The following PLXNC1 variants were observed in gnomAD, a reference collection of about 807,000 sequenced individuals.
The protein encoded by PLXNC1 is plexin-C1.
A neutral mutation model predicts 178.2 loss-of-function variants in PLXNC1; 75 were observed. The observed-to-expected ratio is 0.42, with a 90% confidence interval of 0.35 to 0.51. The LOEUF (loss-of-function observed/expected upper bound fraction) is 0.51. Among genes scored for constraint, PLXNC1 ranks in the 20% least tolerant of loss-of-function variants. The probability of loss-of-function intolerance (pLI) is 0.02; values close to 1 mark genes in which losing one functional copy is unlikely to be tolerated. For synonymous variants in PLXNC1, 790 were observed against 779.9 expected, an observed-to-expected ratio of 1.01 and a Z score of -0.22; for missense variants, 1,503 against 1,984.4, an observed-to-expected ratio of 0.76 and a Z score of 4.61.
chr12:94,225,539 A>G (rs1023484769), intron 7 of PLXNC1, among the ~76,000 whole-genome samples: 1 of 152,138 alleles, frequency 6.6e-6, no homozygotes, highest in African/African-American at 2.4e-5. Context: ...TGAAAATAGG[A>G]AAAAAGGGTG....
intron 4 of PLXNC1, among the ~76,000 whole-genome samples, chr12:94,197,436 T>TC (rs56952953): frequency 0.72 from 107,310 of 149,032 alleles, 38,677 homozygotes; most frequent in East Asian, 0.91. Flanking sequence ...ATTAGGCCCC[T>TC]TTCTCTCTCT....
intron 23 of PLXNC1, among the ~76,000 whole-genome samples, chr12:94,292,097 T>C (rs1202831877): frequency 6.6e-6 from 1 of 152,230 alleles, no homozygotes; most frequent in Non-Finnish European, 1.5e-5. Context: ...AGTATATTCA[T>C]ACTACATGAA....
intron 21 of PLXNC1, chr12:94,272,448 T>C (rs959630760): frequency 6.6e-6 from 1 of 152,240 alleles, no homozygotes; most frequent in Non-Finnish European, 1.5e-5. Flanking sequence ...ATCCACTTAA[T>C]GTCATCGGCC....
In PLXNC1 at chr12:94,250,910, T is replaced by C. The variant is rs529598971; in HGVS notation, c.2779-516T>C. On this transcript the variant is annotated intron_variant, in intron 14 of 30. Transcript: ENST00000258526. ...GGTGTGTACCGTAGCCCCAGCTACT[T>C]GGGAGGCTGAGGTGGGAGGATCACT... Among the ~76,000 whole-genome samples the C allele has an allele frequency of 4.9e-4, 75 of 152,254 alleles. 1 individual carries two copies. The highest frequency in any genetic ancestry group is 1.6e-3 in the African/African-American group (68 of 41,552).
intron 5 of PLXNC1, among the ~76,000 whole-genome samples, chr12:94,211,333 A>G (rs1348938724): frequency 6.6e-6 from 1 of 152,370 alleles, no homozygotes; most frequent in South Asian, 2.1e-4. Flanking sequence ...GACTAAAGCT[A>G]TCCTTTGAAA....
intron 9 of PLXNC1, among the ~76,000 whole-genome samples, chr12:94,234,650 G>T (rs965032595): frequency 1.3e-5 from 2 of 152,196 alleles, no homozygotes; most frequent in Admixed American, 1.3e-4. Context: ...TGAATACATA[G>T]AAATCCTTGG....
In PLXNC1 at chr12:94,292,115, ATAG is replaced by A. The variant is rs1967401680; in HGVS notation, c.3880-2368_3880-2366del. ...ATATTCATACTACATGAACTAACACATAGTAATAATGAACTACTTGTAGTTGCA... is the reference window on the plus strand; with the variant it reads ...ATATTCATACTACATGAACTAACACATAATAATGAACTACTTGTAGTTGCA... On this transcript the variant is annotated intron_variant, in intron 23 of 30. Coordinates refer to ENST00000258526, the MANE Select transcript of PLXNC1 (RefSeq NM_005761.3). Among the ~76,000 whole-genome samples the A allele has an allele frequency of 3.3e-5, 5 of 152,240 alleles. No homozygotes were observed. The South Asian group carries it at 1.0e-3, about 32-fold the overall frequency.
At chr12:94,176,621 A>G (rs772915934) in intron 2 of PLXNC1, among the ~76,000 whole-genome samples, 29 of 152,238 alleles carry the variant, frequency 1.9e-4, no homozygotes, top group Non-Finnish European at 3.7e-4. Context: ...AGGTAATACA[A>G]TGATATTGTT....
At chr12:94,198,952 C>T (rs1963024216) in intron 4 of PLXNC1, among the ~76,000 whole-genome samples, 1 of 152,176 alleles carries the variant, frequency 6.6e-6, no homozygotes, top group African/African-American at 2.4e-5. Flanking sequence ...TGGGGGAACA[C>T]TCTTTAACGC....
intron 9 of PLXNC1, among the ~76,000 whole-genome samples, chr12:94,229,346 C>G (rs996316628): frequency 6.6e-6 from 1 of 152,184 alleles, no homozygotes; most frequent in Non-Finnish European, 1.5e-5. Context: ...TTCTACCATT[C>G]CATAGGTTTC....
intron 23 of PLXNC1, among the ~76,000 whole-genome samples, chr12:94,289,168 T>G (rs879525872): frequency 1.3e-5 from 2 of 152,206 alleles, no homozygotes; most frequent in African/African-American, 4.8e-5. Context: ...AATCTTACCT[T>G]CACTTGCAAG....
chr12:94,245,943 A>G (rs1162079266), intron 12 of PLXNC1, among the ~76,000 whole-genome samples: 1 of 152,226 alleles, frequency 6.6e-6, no homozygotes, highest in African/African-American at 2.4e-5. Flanking sequence ...CACTGGACTC[A>G]CACTGGACCG....
intron 14 of PLXNC1, among the ~76,000 whole-genome samples, chr12:94,249,562 A>G (rs1291750542): frequency 6.6e-6 from 1 of 152,136 alleles, no homozygotes; most frequent in Non-Finnish European, 1.5e-5. Context: ...AGGAATAACA[A>G]CTAGGCTGGG....
At chr12:94,188,660 A>G (rs1307612809) in intron 4 of PLXNC1, among the ~76,000 whole-genome samples, 1 of 152,198 alleles carries the variant, frequency 6.6e-6, no homozygotes, top group Admixed American at 6.5e-5. Flanking sequence ...ATAACAGTGC[A>G]TGTCTGCACT....
intron 2 of PLXNC1, among the ~76,000 whole-genome samples, chr12:94,180,108 C>CTTT (rs1962252504): frequency 6.6e-6 from 1 of 152,158 alleles, no homozygotes; most frequent in Non-Finnish European, 1.5e-5. Context: ...CTCCTTGACC[C>CTTT]AAAGCCCTGC....
At position 94,188,265 on chromosome 12, in the gene PLXNC1, A is replaced by C. The variant is rs1182791035; in HGVS notation, c.1439+1792A>C. Among the ~76,000 whole-genome samples the C allele has an allele frequency of 2.6e-5, 4 of 152,276 alleles. No individual in the cohort carries two copies. The South Asian group carries it at 6.2e-4, about 24-fold the overall frequency. On this transcript the variant is annotated intron_variant, in intron 4 of 30. Transcript: ENST00000258526. ...AGCTTTACTGAGAAAGGCAGCTGAA[A>C]AAAATGAAGCAGACACTGAAAGCGA...
Position 94,260,525 on chromosome 12 carries a change from A to AAG in PLXNC1, c.3252-116_3252-115insGA. 1.6e-6 allele frequency: 1 copy of AAG among 614,300 alleles called. No individual in the cohort carries two copies. Among genetic ancestry groups the AAG allele is most frequent in the Non-Finnish European group, 2.8e-6 (1 of 361,760 alleles). The allele number at this position is 614,300 out of a possible 1,614,324, so 38.1% of individuals were successfully genotyped here. On this transcript the variant is annotated intron_variant, in intron 19 of 30. Transcript: ENST00000258526. The surrounding 1 kb of genome is among the most constrained non-coding windows in gnomAD (Gnocchi z 4.4). Reference sequence around the variant, plus strand: ...TCTAAACATTAAAAAAAAAAAAAAAAAAGCTCCCAACCCAACAGGCCAGCT... The same window carrying AAG: ...TCTAAACATTAAAAAAAAAAAAAAAAAGAAGCTCCCAACCCAACAGGCCAGCT...
intron 10 of PLXNC1, among the ~76,000 whole-genome samples, chr12:94,239,908 G>A (rs1964337719): frequency 6.6e-6 from 1 of 152,054 alleles, no homozygotes. Context: ...GCTTGACTAG[G>A]GCTTTTTTTC....
intron 1 of PLXNC1, among the ~76,000 whole-genome samples, chr12:94,165,256 T>A (rs1961567030): frequency 6.6e-6 from 1 of 152,228 alleles, no homozygotes; most frequent in Admixed American, 6.5e-5. Context: ...TTAACCTCAC[T>A]TTTGTGAGGA....
Sources: allele counts gnomAD v4.1 joint callset (sites outside exome capture counted in the v4.1 genomes callset), GRCh38; gene constraint gnomAD v4.1.1; non-coding constraint Gnocchi (gnomAD v3.1); transcripts MANE v1.5; gene names NCBI Gene and HGNC (gene_info 2026-07-23, HGNC 2026-07-21).